Variants in MIP observed in about 807,000 individuals in gnomAD.
MIP encodes the protein major intrinsic protein of lens fiber, also known as lens fiber major intrinsic protein.
Under a neutral mutation model 21.8 loss-of-function variants are expected in MIP, and 14 were observed. The observed-to-expected ratio is 0.64, with a 90% CI of 0.42 to 1.00. MIP has a LOEUF of 1.00. Ranked by LOEUF, MIP falls within the 50% of genes least tolerant of loss-of-function variation. The pLI is 0.00. For missense variants in MIP, 260 were observed against 333.5 expected, an observed-to-expected ratio of 0.78 and a Z score of 1.72; for synonymous variants, 133 against 141.4, an observed-to-expected ratio of 0.94 and a Z score of 0.42.
In MIP at chr12:56,451,245, A is replaced by G; in HGVS notation, c.*35T>C. The G allele has an allele frequency of 6.2e-7, 1 of 1,606,874 alleles. No individual in the cohort carries two copies. The highest frequency in any genetic ancestry group is 8.5e-7 in the Non-Finnish European group (1 of 1,174,970). ...TGGCTAAACCCCTCCACGTAAACTC[A>G]GAAGCTTTCTACTCCCTCTATTCAG... On this transcript the variant is annotated 3_prime_UTR_variant, in exon 4 of 4. Coordinates refer to ENST00000652304, the MANE Select transcript of MIP (RefSeq NM_012064.4).
Position 56,451,206 on chromosome 12 carries a change from C to T in MIP, c.*74G>A. On this transcript the variant is annotated 3_prime_UTR_variant, in exon 4 of 4. Transcript: ENST00000652304. The stretch of plus-strand genomic sequence containing the variant: ...ACATGACCCTCCCCACAGTCTCTTT[C>T]TTCATCTAGGGGCTGGCTAAACCCC... 4 of 1,344,456 alleles carry T rather than the reference C, an allele frequency of 3.0e-6. No homozygotes were observed. The East Asian group carries it at 9.2e-5, about 31-fold the overall frequency. 83.3% of individuals were successfully genotyped at this position (1,344,456 alleles called of 1,614,324 possible).
chr12:56,455,412 T>C (rs954403136), upstream of MIP, among the ~76,000 whole-genome samples: 2 of 152,086 alleles, frequency 1.3e-5, no homozygotes, highest in Admixed American at 1.3e-4. Flanking sequence ...AAGGGACTCG[T>C]AGTTAAACCT....
intron 3 of MIP, among the ~76,000 whole-genome samples, chr12:56,451,884 A>T (rs1433304071): frequency 6.6e-6 from 1 of 152,098 alleles, no homozygotes; most frequent in Non-Finnish European, 1.5e-5. Context: ...TCTACTAAAA[A>T]TACAAAAAGT....
rs374606900 is a variant in MIP at position 56,454,652 on chromosome 12, C to A, written c.-39G>T. 1.9e-6 allele frequency: 3 copies of A among 1,612,326 alleles called. No homozygotes were observed. The highest frequency in any genetic ancestry group is 2.5e-6 in the Non-Finnish European group (3 of 1,179,662). Reference sequence around the variant, plus strand: ...GTCACAGTGCCTGGGTCCCTGCTACCCCCATGGCCTTGTCTGGGTGGACAG... The same window carrying A: ...GTCACAGTGCCTGGGTCCCTGCTACACCCATGGCCTTGTCTGGGTGGACAG... On this transcript the variant is annotated 5_prime_UTR_variant, in exon 1 of 4. Transcript: ENST00000652304.
At chr12:56,456,027 A>G (rs757545041), upstream of MIP, among the ~76,000 whole-genome samples, 35 of 152,218 alleles carry the variant, frequency 2.3e-4, no homozygotes, top group Non-Finnish European at 4.3e-4. Flanking sequence ...TGCTGAGAAC[A>G]GGTCAGAGAG....
upstream of MIP, chr12:56,454,754 G>A: frequency 1.0e-6 from 1 of 959,054 alleles, no homozygotes. Flanking sequence ...CCCCTTCACA[G>A]CTGTGGAGGG....
chr12:56,451,272 T>C lies in MIP; in HGVS notation c.*8A>G, dbSNP rs763588267. 4 of 1,612,636 alleles carry C rather than the reference T, an allele frequency of 2.5e-6. No individual in the cohort carries two copies. The African/African-American group carries it at 5.3e-5, about 22-fold the overall frequency. ...AAGCTTTCTACTCCCTCTATTCAGCTGGAGCTTCTACAGGGCCTGGGTGTT... is the reference window on the plus strand; with the variant it reads ...AAGCTTTCTACTCCCTCTATTCAGCCGGAGCTTCTACAGGGCCTGGGTGTT... On this transcript the variant is annotated 3_prime_UTR_variant, in exon 4 of 4. Transcript: ENST00000652304.
At chr12:56,454,666 C>G, upstream of MIP, 1 of 1,610,924 alleles carries the variant, frequency 6.2e-7, no homozygotes. Flanking sequence ...ATGGCCTTGT[C>G]TGGGTGGACA....
rs767573821 is a variant in MIP at position 56,453,765 on chromosome 12, GGAA to G, written c.361-13_361-11del. 17 of 1,611,750 alleles carry G rather than the reference GGAA, an allele frequency of 1.1e-5. No homozygotes were observed. Among genetic ancestry groups the G allele is most frequent in the Middle Eastern group, 1.7e-4 (1 of 6,060 alleles). On this transcript the variant is annotated splice_polypyrimidine_tract_variant and intron_variant, in intron 1 of 3. Coordinates refer to ENST00000652304, the MANE Select transcript of MIP (RefSeq NM_012064.4). ...TCACCGCAGGGTGCAACTGTGCAAA[GGAA>G]GAAGAAGAGAGACAGCTCAGGAGGG...
At chr12:56,453,037 G>T in intron 3 of MIP, 35 bp downstream of exon 3, 1 of 1,428,156 alleles carries the variant, frequency 7.0e-7, no homozygotes, top group Non-Finnish European at 9.9e-7. Context: ...CCATCCAGAA[G>T]GGCTTCAGGA....
rs746222267 is a variant in MIP, at chr12:56,453,702, C to T, written c.414G>A (p.Thr138=). ...CAAAGATGCAGAGCACGAACTGGAGCGTCAGGAAGATCTCCACTGTGGTTG... is the reference window on the plus strand; with the variant it reads ...CAAAGATGCAGAGCACGAACTGGAGTGTCAGGAAGATCTCCACTGTGGTTG... ...GQATTVEIFL[T]LQFVLCIFAT... Residue 138 remains threonine (T), a synonymous_variant, in exon 2 of 4, where the codon ACG becomes ACA. Transcript: ENST00000652304. 30 of 1,614,088 alleles carry T rather than the reference C, an allele frequency of 1.9e-5. No homozygotes were observed. In the East Asian group the frequency reaches 2.2e-4, roughly 12 times the overall value.
Position 56,454,586 on chromosome 12 carries a change from A to G in MIP, c.28T>C (p.Trp10Arg). MWELRSASF[W>R]RAIFAEFFAT... ...AAGAACTCAGCGAATATGGCCCTCC[A>G]AAAGGAGGCTGATCGCAGTTCCCAC... is the stretch of plus-strand genomic sequence containing the variant. Residue 10 changes from tryptophan (W) to arginine (R), a missense_variant, in exon 1 of 4, where the codon TGG (tryptophan) becomes CGG (arginine). Trp to Arg is a moderately radical substitution (Grantham distance 101). Coordinates refer to ENST00000652304, the MANE Select transcript of MIP (RefSeq NM_012064.4). The G allele has an allele frequency of 1.2e-6, 2 of 1,614,134 alleles. No homozygotes were observed. Among genetic ancestry groups the G allele is most frequent in the Non-Finnish European group, 1.7e-6 (2 of 1,179,998 alleles).
Position 56,450,070 on chromosome 12 carries a change from AAAT to A in MIP, c.*1207_*1209del, listed in dbSNP as rs540359096. Reference sequence around the variant, plus strand: ...AAAAAAAAGAAGATAGGGCTCAAACAAATAATAATCTCCTGAATTATTAAGCAT... The same window carrying A: ...AAAAAAAAGAAGATAGGGCTCAAACAAATAATCTCCTGAATTATTAAGCAT... On this transcript the variant is annotated 3_prime_UTR_variant, in exon 4 of 4. Coordinates refer to ENST00000652304, the MANE Select transcript of MIP (RefSeq NM_012064.4). 791 of 152,144 alleles carry A rather than the reference AAAT, an allele frequency of 5.2e-3. 13 individuals carry two copies. The highest frequency in any genetic ancestry group is 0.018 in the African/African-American group (751 of 41,508). The allele number at this position is 152,144 out of a possible 1,614,324, so 9.4% of individuals were successfully genotyped here.
At chr12:56,453,296 G>T in intron 2 of MIP, 144 bp from the exon 3 acceptor site, 1 of 756,506 alleles carries the variant, frequency 1.3e-6, no homozygotes, top group Non-Finnish European at 2.3e-6. Context: ...CTCTCCAGGG[G>T]TTCCTGCAAT....
At chr12:56,453,895 T>C (rs1868705742) in intron 1 of MIP, 140 bp from the exon 2 acceptor site, 3 of 868,386 alleles carry the variant, frequency 3.5e-6, no homozygotes, top group South Asian at 3.0e-5. Flanking sequence ...ATAATCATTG[T>C]ATTTGCATCT....
intron 1 of MIP, 138 bp downstream of exon 1, chr12:56,454,115 CA>C: frequency 8.1e-7 from 1 of 1,236,416 alleles, no homozygotes; most frequent in African/African-American, 1.5e-5. Flanking sequence ...CAATCCTCAC[CA>C]CTTCAACACA....
chr12:56,452,063 T>C (rs1868638071), intron 3 of MIP, among the ~76,000 whole-genome samples: 1 of 152,106 alleles, frequency 6.6e-6, no homozygotes, highest in Non-Finnish European at 1.5e-5. Context: ...AAAAAATATA[T>C]ATATGTTTTT....
At chr12:56,451,969 G>T (rs1027846652) in intron 3 of MIP, among the ~76,000 whole-genome samples, 1 of 152,200 alleles carries the variant, frequency 6.6e-6, no homozygotes, top group Non-Finnish European at 1.5e-5. Flanking sequence ...TTGAACCCAG[G>T]AGGCGGAGGT....
At position 56,450,124 on chromosome 12, in the gene MIP, G is replaced by A. The variant is rs1220579191; in HGVS notation, c.*1156C>T. On this transcript the variant is annotated 3_prime_UTR_variant, in exon 4 of 4. Transcript: ENST00000652304. ...TTGAATAGAAGGAATCAATTTCTGG[G>A]GTATGAGGGAGTTAGAAGAGATTTG... is the stretch of plus-strand genomic sequence containing the variant. 6.6e-6 allele frequency: 1 copy of A among 152,006 alleles called. No homozygotes were observed. Among genetic ancestry groups the A allele is most frequent in the Non-Finnish European group, 1.5e-5 (1 of 68,012 alleles). The allele number at this position is 152,006 out of a possible 1,614,324, so 9.4% of individuals were successfully genotyped here.
Sources: allele counts gnomAD v4.1 joint callset (sites outside exome capture counted in the v4.1 genomes callset), GRCh38; gene constraint gnomAD v4.1.1; transcripts MANE v1.5; gene names NCBI Gene and HGNC (gene_info 2026-07-23, HGNC 2026-07-21).